EDIL3: variants seen among roughly 807,000 people sequenced by gnomAD.
EDIL3 encodes the protein EGF like and discoidin domains 3.
A neutral mutation model predicts 67.4 loss-of-function variants in EDIL3; 37 were observed. That is an observed-to-expected ratio of 0.55 (90% CI 0.42 to 0.72). The LOEUF (loss-of-function observed/expected upper bound fraction) is 0.72, where lower values mean the gene tolerates loss of function less well. EDIL3 is among the 30% of genes least tolerant of loss of function. The pLI is 0.00. For missense variants in EDIL3, 527 were observed against 586.3 expected, an observed-to-expected ratio of 0.90 and a Z score of 1.04; for synonymous variants, 195 against 196.3, an observed-to-expected ratio of 0.99 and a Z score of 0.05.
At chr5:84,017,123 A>C (rs1745621337) in intron 9 of EDIL3, among the ~76,000 whole-genome samples, 1 of 152,218 alleles carries the variant, frequency 6.6e-6, no homozygotes, top group Admixed American at 6.5e-5. Flanking sequence ...GAAAGTGCTT[A>C]ATAAATCTTT....
intron 5 of EDIL3, among the ~76,000 whole-genome samples, chr5:84,112,567 T>C (rs1057423302): frequency 9.9e-5 from 15 of 152,218 alleles, no homozygotes; most frequent in African/African-American, 3.6e-4. Flanking sequence ...TGTCTTACCT[T>C]CCTTCTCTTG....
chr5:84,055,786 C>T (rs1360093430), intron 9 of EDIL3, among the ~76,000 whole-genome samples: 1 of 152,152 alleles, frequency 6.6e-6, no homozygotes, highest in Non-Finnish European at 1.5e-5. Flanking sequence ...GTTAGAATGG[C>T]AATCATTCAA....
At chr5:84,156,989 C>G (rs1015232656) in intron 4 of EDIL3, among the ~76,000 whole-genome samples, 1 of 152,014 alleles carries the variant, frequency 6.6e-6, no homozygotes, top group Non-Finnish European at 1.5e-5. Flanking sequence ...GAGTTTCTTC[C>G]TTCTCTAGTA....
chr5:84,372,670 C>T (rs1048313430), intron 1 of EDIL3, among the ~76,000 whole-genome samples: 3 of 152,090 alleles, frequency 2.0e-5, no homozygotes, highest in Non-Finnish European at 2.9e-5. Context: ...AAAGATTCCT[C>T]GATTTGGATC....
intron 9 of EDIL3, among the ~76,000 whole-genome samples, chr5:83,991,822 G>T (rs1745156053): frequency 6.6e-6 from 1 of 152,040 alleles, no homozygotes; most frequent in Non-Finnish European, 1.5e-5. Context: ...CTGCTACCTT[G>T]GTGAGAGGCA....
chr5:84,222,870 C>T (rs67642756), intron 3 of EDIL3, among the ~76,000 whole-genome samples: 72,631 of 151,408 alleles, frequency 0.48, 17,467 homozygotes, highest in African/African-American at 0.52. Context: ...CTATATATTT[C>T]GGATATTAAT....
intron 1 of EDIL3, among the ~76,000 whole-genome samples, chr5:84,270,343 T>A (rs1745443514): frequency 6.6e-6 from 1 of 152,186 alleles, no homozygotes; most frequent in East Asian, 1.9e-4. Context: ...ACGTGGGATC[T>A]TCAGGAGCCC....
chr5:84,141,952 G>C (rs199925878), intron 4 of EDIL3, among the ~76,000 whole-genome samples: 3 of 108,364 alleles, frequency 2.8e-5, no homozygotes, highest in African/African-American at 1.1e-4. Context: ...TATATACATA[G>C]ATCTATCTAT....
intron 2 of EDIL3, among the ~76,000 whole-genome samples, chr5:84,231,884 G>GA (rs936802624): frequency 2.6e-5 from 4 of 151,786 alleles, no homozygotes; most frequent in African/African-American, 4.8e-5. Context: ...AGATTCAAAA[G>GA]AAAAAAAATC....
At chr5:84,161,070 T>C (rs147907041) in intron 4 of EDIL3, among the ~76,000 whole-genome samples, 1 of 152,080 alleles carries the variant, frequency 6.6e-6, no homozygotes, top group East Asian at 1.9e-4. Flanking sequence ...TAGCTCCCAC[T>C]TACAAATGAG....
chr5:83,991,567 C>T (rs1353942620), intron 9 of EDIL3, among the ~76,000 whole-genome samples: 6 of 152,164 alleles, frequency 3.9e-5, no homozygotes, highest in South Asian at 2.1e-4. Context: ...CAATCTTACT[C>T]GCTAGGCCAT....
At chr5:84,099,925 A>G (rs1021218436) in intron 6 of EDIL3, among the ~76,000 whole-genome samples, 8 of 152,194 alleles carry the variant, frequency 5.3e-5, no homozygotes, top group Admixed American at 3.3e-4. Flanking sequence ...GGATATGAAC[A>G]GACACTTCTC....
At chr5:84,152,983 G>C (rs993880311) in intron 4 of EDIL3, among the ~76,000 whole-genome samples, 1 of 151,974 alleles carries the variant, frequency 6.6e-6, no homozygotes, top group African/African-American at 2.4e-5. Context: ...AAAATACAGA[G>C]GTTACTGTAA....
At chr5:84,360,049 C>T (rs931544102) in intron 1 of EDIL3, among the ~76,000 whole-genome samples, 6 of 152,084 alleles carry the variant, frequency 3.9e-5, no homozygotes, top group African/African-American at 1.2e-4. Context: ...TGAATCTGTT[C>T]TCAGTACACT....
intron 2 of EDIL3, among the ~76,000 whole-genome samples, chr5:84,231,009 G>A (rs1707906411): frequency 6.6e-6 from 1 of 152,156 alleles, no homozygotes; most frequent in African/African-American, 2.4e-5. Flanking sequence ...TACCAACCCT[G>A]TAAGTATATT....
chr5:84,237,403 A>T (rs1039807445), intron 2 of EDIL3, among the ~76,000 whole-genome samples: 1 of 152,154 alleles, frequency 6.6e-6, no homozygotes, highest in Non-Finnish European at 1.5e-5. Context: ...TCAAAAAAAA[A>T]TCCATTGGTA....
At chr5:83,990,708 C>G (rs1468273704) in intron 9 of EDIL3, among the ~76,000 whole-genome samples, 23 of 151,580 alleles carry the variant, frequency 1.5e-4, no homozygotes, top group Non-Finnish European at 3.1e-4. Flanking sequence ...TGGTGAAACC[C>G]ATCTCTACTG....
At chr5:84,167,320 A>G (rs1748726965) in intron 4 of EDIL3, among the ~76,000 whole-genome samples, 1 of 152,052 alleles carries the variant, frequency 6.6e-6, no homozygotes, top group African/African-American at 2.4e-5. Context: ...GTGTAGAACC[A>G]GAACAATAGC....
chr5:84,279,154 G>A (rs1745648338), intron 1 of EDIL3, among the ~76,000 whole-genome samples: 1 of 151,984 alleles, frequency 6.6e-6, no homozygotes, highest in Non-Finnish European at 1.5e-5. Flanking sequence ...CCTTTTTCAT[G>A]AAAGAAAATT....
Sources: gnomAD v4.1 joint callset for allele counts (sites outside exome capture counted in the v4.1 genomes callset) on GRCh38, gnomAD v4.1.1 for gene constraint, MANE v1.5 for transcripts, NCBI Gene and HGNC (gene_info 2026-07-23, HGNC 2026-07-21) for gene names.